SLC13A3: variants seen among roughly 807,000 people sequenced by gnomAD.
The protein encoded by SLC13A3 is solute carrier family 13 member 3, also known as Na(+)/dicarboxylate cotransporter 3.
A neutral mutation model predicts 59.0 loss-of-function variants in SLC13A3; 40 were observed. The observed-to-expected ratio is 0.68, with a 90% CI of 0.53 to 0.88. The LOEUF (loss-of-function observed/expected upper bound fraction) is 0.88. Among genes scored for constraint, SLC13A3 ranks in the 40% least tolerant of loss-of-function variants. The probability of loss-of-function intolerance (pLI) is 0.00; values close to 1 mark genes in which losing one functional copy is unlikely to be tolerated. For missense variants in SLC13A3, 699 were observed against 783.2 expected (o/e 0.89, Z 1.28); for synonymous variants, 317 against 330.3 (o/e 0.96, Z 0.44).
At position 46,560,086 on chromosome 20, in the gene SLC13A3, A is replaced by T; in HGVS notation, c.1745T>A (p.Met582Lys). 1 of 1,614,178 alleles carries T rather than the reference A, an allele frequency of 6.2e-7. No individual in the cohort carries two copies. Among genetic ancestry groups the T allele is most frequent in the Non-Finnish European group, 8.5e-7 (1 of 1,180,040 alleles). ...CAATGCTGTGACATTGACCGAGTACATATCAGCCCAGTCCGGGAAGGTGCC... is the reference window on the plus strand; with the variant it reads ...CAATGCTGTGACATTGACCGAGTACTTATCAGCCCAGTCCGGGAAGGTGCC... ...QLGTFPDWAD[M>K]YSVNVTALPP... The change falls in exon 13 of 13, where the codon ATG becomes AAG. Residue 582 changes from methionine to lysine, a missense_variant. Met to Lys is a moderately conservative substitution (Grantham distance 95). Transcript: ENST00000279027.
intron 6 of SLC13A3, among the ~76,000 whole-genome samples, chr20:46,590,720 T>G (rs939653968): frequency 1.3e-5 from 2 of 152,210 alleles, no homozygotes; most frequent in Non-Finnish European, 2.9e-5. Context: ...ATGTACGATT[T>G]TTATGAAGAA....
chr20:46,627,974 CAT>C (rs1307199489), intron 1 of SLC13A3, among the ~76,000 whole-genome samples: 2 of 152,140 alleles, frequency 1.3e-5, no homozygotes, highest in African/African-American at 4.8e-5. Flanking sequence ...ATAGTGGAAT[CAT>C]AGAGGGGAGT....
Position 46,584,310 on chromosome 20 carries a change from A to G in SLC13A3, c.1122-641T>C, listed in dbSNP as rs998108499. ...GAGCAAGTCATTTTGTTAAACTGACATACAAATACAACCAAGATACCCTGT... is the reference window on the plus strand; with the variant it reads ...GAGCAAGTCATTTTGTTAAACTGACGTACAAATACAACCAAGATACCCTGT... On this transcript the variant is annotated intron_variant, in intron 8 of 12. Transcript: ENST00000279027. 8.1e-6 allele frequency: 8 copies of G among 985,356 alleles called. No homozygotes were observed. In the Admixed American group the frequency reaches 4.3e-4, roughly 53 times the overall value. 61.0% of individuals were successfully genotyped at this position (985,356 alleles called of 1,614,324 possible).
intron 1 of SLC13A3, among the ~76,000 whole-genome samples, chr20:46,638,952 A>G (rs1291017986): frequency 6.6e-6 from 1 of 152,116 alleles, no homozygotes; most frequent in Non-Finnish European, 1.5e-5. Context: ...CTGGGAGCAA[A>G]TTTGCTGGAA....
chr20:46,618,342 A>G, intron 1 of SLC13A3, among the ~76,000 whole-genome samples: 1 of 152,190 alleles, frequency 6.6e-6, no homozygotes, highest in East Asian at 1.9e-4. Flanking sequence ...GCTAAAACAG[A>G]GTTTAAGACA....
intron 1 of SLC13A3, among the ~76,000 whole-genome samples, chr20:46,678,536 G>C (rs973681351): frequency 6.6e-6 from 1 of 152,168 alleles, no homozygotes; most frequent in African/African-American, 2.4e-5. Flanking sequence ...TTTACCATCA[G>C]GGGTGGCCTC....
At chr20:46,614,691 C>A (rs566339298) in intron 1 of SLC13A3, among the ~76,000 whole-genome samples, 3 of 152,114 alleles carry the variant, frequency 2.0e-5, no homozygotes, top group Admixed American at 6.5e-5. Context: ...TGATTATTAC[C>A]CCCATTTGAT....
At chr20:46,647,972 C>A (rs144918376) in intron 1 of SLC13A3, among the ~76,000 whole-genome samples, 1 of 152,158 alleles carries the variant, frequency 6.6e-6, no homozygotes, top group Non-Finnish European at 1.5e-5. Context: ...GCATTCATGG[C>A]GCCAGAATAT....
At chr20:46,620,905 T>C (rs1032420079) in intron 1 of SLC13A3, among the ~76,000 whole-genome samples, 1 of 151,872 alleles carries the variant, frequency 6.6e-6, no homozygotes, top group Admixed American at 6.6e-5. Flanking sequence ...GGGATCAAGA[T>C]CCTGAAGCAT....
intron 1 of SLC13A3, among the ~76,000 whole-genome samples, chr20:46,624,696 A>G (rs1257994347): frequency 6.6e-6 from 1 of 152,218 alleles, no homozygotes; most frequent in Non-Finnish European, 1.5e-5. Context: ...TTCATCTGAA[A>G]TTCAAAGTGA....
chr20:46,561,129 G>C (rs1257507448), intron 12 of SLC13A3, among the ~76,000 whole-genome samples: 1 of 152,260 alleles, frequency 6.6e-6, no homozygotes, highest in Admixed American at 6.5e-5. Context: ...TCTTTGGAAA[G>C]GCTCATCAGA....
chr20:46,590,623 A>T (rs990931975), intron 6 of SLC13A3, among the ~76,000 whole-genome samples: 1 of 152,206 alleles, frequency 6.6e-6, no homozygotes, highest in Non-Finnish European at 1.5e-5. Context: ...AATAAACACA[A>T]GTTATTTTTC....
chr20:46,656,682 A>G (rs1246914429), intron 1 of SLC13A3, among the ~76,000 whole-genome samples: 7 of 151,300 alleles, frequency 4.6e-5, no homozygotes, highest in African/African-American at 1.7e-4. Context: ...GGAAGTTTTC[A>G]GCCATTATTT....
At chr20:46,603,528 C>G (rs1167030355) in intron 3 of SLC13A3, among the ~76,000 whole-genome samples, 2 of 151,446 alleles carry the variant, frequency 1.3e-5, no homozygotes, top group African/African-American at 4.9e-5. Flanking sequence ...GCATGTGCCA[C>G]CATGCCCAGC....
intron 9 of SLC13A3, 92 bp from the exon 10 acceptor site, chr20:46,575,777 C>T: frequency 1.5e-6 from 1 of 646,382 alleles, no homozygotes; most frequent in Non-Finnish European, 2.5e-6. Context: ...CGGGGACACT[C>T]AGGGGTCCCC....
chr20:46,626,901 C>G (rs145112571), intron 1 of SLC13A3, among the ~76,000 whole-genome samples: 2 of 133,438 alleles, frequency 1.5e-5, no homozygotes, highest in African/African-American at 5.6e-5. Context: ...CCACGCACCC[C>G]CTTCTATCTC....
rs1306989223 is a variant in SLC13A3, at chr20:46,613,703, A to T, written c.134T>A (p.Ile45Asn). ...GCACCAGTACACCGCCATGAGCAGG[A>T]TGACAAACAAGCAGCGGCCTTCCTG... ...PPKEGRCLFV[I>N]LLMAVYWCTE... Residue 45 changes from isoleucine (I) to asparagine (N), a missense_variant, in exon 2 of 13, where the codon ATC becomes AAC. By Grantham distance (149) the Ile-to-Asn change is moderately radical. Coordinates refer to ENST00000279027, the MANE Select transcript of SLC13A3 (RefSeq NM_022829.6). 2 of 1,604,646 alleles carry T rather than the reference A, an allele frequency of 1.2e-6. No individual in the cohort carries two copies. Among genetic ancestry groups the T allele is most frequent in the South Asian group, 2.2e-5 (2 of 89,598 alleles).
chr20:46,635,217 A>G (rs1239464878), intron 1 of SLC13A3, among the ~76,000 whole-genome samples: 1 of 152,140 alleles, frequency 6.6e-6, no homozygotes, highest in East Asian at 1.9e-4. Flanking sequence ...CTTTGGGTCT[A>G]TCATTTGGAG....
chr20:46,578,385 A>G (rs1353902077), intron 9 of SLC13A3, among the ~76,000 whole-genome samples: 1 of 152,044 alleles, frequency 6.6e-6, no homozygotes, highest in Non-Finnish European at 1.5e-5. Context: ...ATAAACAAAT[A>G]AATATACTGG....
Sources: allele counts gnomAD v4.1 joint callset (sites outside exome capture counted in the v4.1 genomes callset), GRCh38; gene constraint gnomAD v4.1.1; transcripts MANE v1.5; gene names NCBI Gene and HGNC (gene_info 2026-07-23, HGNC 2026-07-21).